Variants in NCAM2 observed in about 807,000 individuals in gnomAD.
NCAM2 encodes the protein N-CAM-2.
In NCAM2, 30 loss-of-function variants were observed where a neutral mutation model predicts 98.1. That is an observed-to-expected ratio of 0.31 (90% confidence interval 0.23 to 0.41). The LOEUF is 0.41. NCAM2 is among the 10% of genes least tolerant of loss of function. The pLI, the probability that NCAM2 is intolerant of heterozygous loss-of-function variation, is 1.00. For synonymous variants in NCAM2, 368 were observed against 342.4 expected, an observed-to-expected ratio of 1.07 and a Z score of -0.83; for missense variants, 867 against 1,005.8, an observed-to-expected ratio of 0.86 and a Z score of 1.87.
intron 9 of NCAM2, among the ~76,000 whole-genome samples, chr21:21,374,276 A>C (rs1465570063): frequency 6.6e-6 from 1 of 151,848 alleles, no homozygotes; most frequent in African/African-American, 2.4e-5. Context: ...TTGAACTCAA[A>C]ACACAGTATC....
chr21:21,247,504 C>T (rs1177199404), intron 1 of NCAM2, among the ~76,000 whole-genome samples: 1 of 152,140 alleles, frequency 6.6e-6, no homozygotes, highest in East Asian at 1.9e-4. Context: ...GAAAATCTAT[C>T]TAGGTATTCC....
At chr21:21,082,157 G>A (rs923974320) in intron 1 of NCAM2, among the ~76,000 whole-genome samples, 2 of 149,690 alleles carry the variant, frequency 1.3e-5, no homozygotes, top group African/African-American at 2.5e-5. Flanking sequence ...GAACCCGGGA[G>A]GCAGAGGTTG....
intron 1 of NCAM2, 26 bp from the exon 2 acceptor site, chr21:21,280,552 T>A (rs377671881): frequency 2.0e-6 from 3 of 1,515,888 alleles, no homozygotes; most frequent in Non-Finnish European, 2.7e-6. Context: ...AAAATCACCA[T>A]TAATTGTTTC....
At chr21:21,062,732 T>C (rs916356519) in intron 1 of NCAM2, among the ~76,000 whole-genome samples, 1 of 152,222 alleles carries the variant, frequency 6.6e-6, no homozygotes, top group Admixed American at 6.5e-5. Context: ...TTTTAATTTT[T>C]ATAGTGATAA....
intron 1 of NCAM2, among the ~76,000 whole-genome samples, chr21:21,148,624 C>G (rs1039684212): frequency 6.6e-6 from 1 of 152,024 alleles, no homozygotes; most frequent in African/African-American, 2.4e-5. Context: ...GAATCCTAGG[C>G]CTGAAGCTTT....
chr21:21,481,389 G>T (rs916069640), intron 15 of NCAM2, among the ~76,000 whole-genome samples: 1 of 152,294 alleles, frequency 6.6e-6, no homozygotes, highest in African/African-American at 2.4e-5. Flanking sequence ...AAGAAGAATA[G>T]ATGTAAAGTG....
chr21:21,072,158 C>T (rs1240779979), intron 1 of NCAM2, among the ~76,000 whole-genome samples: 4 of 152,110 alleles, frequency 2.6e-5, no homozygotes, highest in South Asian at 2.1e-4. Context: ...GCGATCCTCC[C>T]GTTTCGGCCT....
intron 1 of NCAM2, among the ~76,000 whole-genome samples, chr21:21,088,958 G>A (rs1475221813): frequency 2.8e-5 from 4 of 142,252 alleles, no homozygotes; most frequent in East Asian, 2.1e-4. Flanking sequence ...GCGACAGAGC[G>A]AAACTCTGTC....
intron 1 of NCAM2, among the ~76,000 whole-genome samples, chr21:21,125,375 T>TATATAATATTTTACATATATATGTAAA (rs2066769361): frequency 2.0e-5 from 3 of 146,728 alleles, no homozygotes; most frequent in African/African-American, 4.9e-5. Flanking sequence ...ATATATGTAA[T>TATATAATATTTTACATATATATGTAAA]ATATAATATT....
At chr21:21,265,289 G>C (rs2072191196) in intron 1 of NCAM2, among the ~76,000 whole-genome samples, 2 of 126,940 alleles carry the variant, frequency 1.6e-5, no homozygotes, top group Non-Finnish European at 3.3e-5. Context: ...ACATATGTGT[G>C]TATATATACG....
At chr21:21,516,521 C>G (rs1988721000) in intron 16 of NCAM2, among the ~76,000 whole-genome samples, 1 of 151,918 alleles carries the variant, frequency 6.6e-6, no homozygotes, top group African/African-American at 2.4e-5. Flanking sequence ...TTCTGAATTT[C>G]TATGTGCCTA....
intron 1 of NCAM2, among the ~76,000 whole-genome samples, chr21:21,262,116 A>G (rs920784029): frequency 1.3e-5 from 2 of 152,168 alleles, no homozygotes; most frequent in Non-Finnish European, 2.9e-5. Flanking sequence ...GAGGAAATGT[A>G]TAAATTCCTG....
intron 1 of NCAM2, among the ~76,000 whole-genome samples, chr21:21,013,105 C>T (rs973626951): frequency 3.9e-5 from 6 of 152,130 alleles, no homozygotes; most frequent in Non-Finnish European, 5.9e-5. Flanking sequence ...AGTCAAAAGA[C>T]GGGTCACAGG....
intron 11 of NCAM2, among the ~76,000 whole-genome samples, chr21:21,427,002 T>A (rs530495918): frequency 4.7e-4 from 71 of 152,006 alleles, no homozygotes; most frequent in Non-Finnish European, 7.8e-4. Flanking sequence ...TAAAAGAGAG[T>A]TTACAAAAAT....
intron 1 of NCAM2, among the ~76,000 whole-genome samples, chr21:21,029,271 G>T (rs1234273242): frequency 2.0e-5 from 3 of 152,158 alleles, no homozygotes; most frequent in Non-Finnish European, 2.9e-5. Context: ...TGTGACAGTG[G>T]TCAAGGTGTA....
At chr21:21,276,892 C>G (rs11909783) in intron 1 of NCAM2, among the ~76,000 whole-genome samples, 116,635 of 151,900 alleles carry the variant, frequency 0.77, 44,917 homozygotes, top group East Asian at 0.86. Context: ...GTAATTTGTA[C>G]TGAATGAAAA....
rs71696991 is a variant in NCAM2, at chr21:21,531,992, C to CAA, written c.2283-2537_2283-2536dup. ...TGGACGACAGAGCAAGACTCCGTCTCAAAAAAAAAGAAAAATATTATATAT... is the reference window on the plus strand; with the variant it reads ...TGGACGACAGAGCAAGACTCCGTCTCAAAAAAAAAAAGAAAAATATTATATAT... On this transcript the variant is annotated intron_variant, in intron 16 of 17. Transcript: ENST00000400546. Among the ~76,000 whole-genome samples the CAA allele has an allele frequency of 8.3e-3, 1,222 of 146,720 alleles. 4 individuals carry two copies. Among genetic ancestry groups the CAA allele is most frequent in the Non-Finnish European group, 8.3e-3 (554 of 66,956 alleles).
At chr21:21,422,790 G>A (rs1175846993) in intron 11 of NCAM2, among the ~76,000 whole-genome samples, 2 of 152,064 alleles carry the variant, frequency 1.3e-5, no homozygotes, top group Non-Finnish European at 2.9e-5. Flanking sequence ...CCTCCTAGGT[G>A]TTGATCCTGC....
intron 1 of NCAM2, among the ~76,000 whole-genome samples, chr21:21,172,121 T>G (rs936004597): frequency 3.9e-5 from 6 of 152,068 alleles, no homozygotes; most frequent in African/African-American, 1.4e-4. Flanking sequence ...TTTTTTTCTG[T>G]GTAGTCCCCT....
Sources: gnomAD v4.1 joint callset for allele counts (sites outside exome capture counted in the v4.1 genomes callset) on GRCh38, gnomAD v4.1.1 for gene constraint, MANE v1.5 for transcripts, NCBI Gene and HGNC (gene_info 2026-07-23, HGNC 2026-07-21) for gene names.